The following UBAC2 variants were observed in gnomAD, a reference collection of about 807,000 sequenced individuals.
UBAC2 encodes the protein ubiquitin-associated domain-containing protein 2.
A neutral mutation model predicts 44.0 loss-of-function variants in UBAC2; 26 were observed. The observed-to-expected ratio is 0.59, with a 90% confidence interval of 0.43 to 0.82. The LOEUF (loss-of-function observed/expected upper bound fraction) is 0.82. Among genes scored for constraint, UBAC2 ranks in the 40% least tolerant of loss-of-function variants. The pLI is 0.00. For missense variants in UBAC2, 329 were observed against 419.4 expected, an observed-to-expected ratio of 0.78 and a Z score of 1.88; for synonymous variants, 155 against 154.3, an observed-to-expected ratio of 1.00 and a Z score of -0.04.
chr13:99,373,489 G>A (rs1260213741), intron 8 of UBAC2, among the ~76,000 whole-genome samples: 1 of 152,152 alleles, frequency 6.6e-6, no homozygotes, highest in Non-Finnish European at 1.5e-5. Context: ...TCTGCACCGG[G>A]GCTAAGCGCT....
intron 7 of UBAC2, among the ~76,000 whole-genome samples, chr13:99,348,704 A>T (rs959149255): frequency 5.4e-4 from 83 of 152,306 alleles, no homozygotes; most frequent in African/African-American, 1.9e-3. Flanking sequence ...TCATAATATG[A>T]ACGTTGTCTG....
At chr13:99,266,511 T>C (rs941357591) in intron 4 of UBAC2, among the ~76,000 whole-genome samples, 1 of 152,216 alleles carries the variant, frequency 6.6e-6, no homozygotes, top group Non-Finnish European at 1.5e-5. Flanking sequence ...TTGTAGACCA[T>C]TTCTGCCCTC....
intron 6 of UBAC2, among the ~76,000 whole-genome samples, chr13:99,334,540 A>G (rs775297501): frequency 3.3e-5 from 5 of 152,242 alleles, no homozygotes; most frequent in Non-Finnish European, 5.9e-5. Flanking sequence ...GGGTCTTGCA[A>G]GCTTCTCCTG....
chr13:99,230,290 C>T (rs2043157962), intron 1 of UBAC2, among the ~76,000 whole-genome samples: 1 of 151,808 alleles, frequency 6.6e-6, no homozygotes, highest in Non-Finnish European at 1.5e-5. Flanking sequence ...ATGGCAAAAC[C>T]CTGTCTTTAC....
At chr13:99,346,515 C>T (rs560067367) in intron 7 of UBAC2, among the ~76,000 whole-genome samples, 1 of 152,384 alleles carries the variant, frequency 6.6e-6, no homozygotes, top group Admixed American at 6.5e-5. Context: ...CACCGGGTTA[C>T]TCACAGTTAA....
chr13:99,300,576 A>G (rs1284376013), intron 4 of UBAC2, among the ~76,000 whole-genome samples: 2 of 152,188 alleles, frequency 1.3e-5, no homozygotes, highest in Non-Finnish European at 2.9e-5. Flanking sequence ...TCTTCCTTTA[A>G]TCATCTTAAG....
chr13:99,289,406 A>G (rs1393665801), intron 4 of UBAC2, among the ~76,000 whole-genome samples: 2 of 152,242 alleles, frequency 1.3e-5, no homozygotes, highest in Admixed American at 1.3e-4. Flanking sequence ...GACAAACTTG[A>G]AAGGCCCATA....
intron 4 of UBAC2, among the ~76,000 whole-genome samples, chr13:99,273,618 G>A (rs1927731): frequency 0.26 from 39,412 of 151,966 alleles, 5,850 homozygotes; most frequent in African/African-American, 0.41. Flanking sequence ...GATGAATTTA[G>A]TGTTGATCTG....
At chr13:99,277,039 T>C (rs527966917) in intron 4 of UBAC2, among the ~76,000 whole-genome samples, 2 of 152,274 alleles carry the variant, frequency 1.3e-5, no homozygotes, top group South Asian at 4.1e-4. Context: ...TAGTATTTGG[T>C]TTTCTCAGGT....
chr13:99,229,329 A>G (rs1355227761), intron 1 of UBAC2, among the ~76,000 whole-genome samples: 1 of 152,232 alleles, frequency 6.6e-6, no homozygotes, highest in Non-Finnish European at 1.5e-5. Flanking sequence ...ATCTGTGCTA[A>G]TAAGGAAGGC....
At chr13:99,208,934 G>A (rs997066731) in intron 1 of UBAC2, among the ~76,000 whole-genome samples, 1 of 152,166 alleles carries the variant, frequency 6.6e-6, no homozygotes. Context: ...GTTTATTTTG[G>A]TGACTCCTCA....
intron 6 of UBAC2, among the ~76,000 whole-genome samples, chr13:99,338,832 A>C (rs920353643): frequency 3.3e-5 from 5 of 152,190 alleles, no homozygotes; most frequent in Non-Finnish European, 7.3e-5. Flanking sequence ...GATATAGCTG[A>C]CCATCCCTAT....
At chr13:99,345,068 A>G (rs745568495) in intron 7 of UBAC2, among the ~76,000 whole-genome samples, 13 of 152,138 alleles carry the variant, frequency 8.5e-5, no homozygotes, top group African/African-American at 3.1e-4. Context: ...TGGAATTTGG[A>G]TGGGTGGAGA....
intron 4 of UBAC2, chr13:99,312,851 G>C (rs566503713): frequency 1.3e-5 from 2 of 153,432 alleles, no homozygotes; most frequent in African/African-American, 4.8e-5. Flanking sequence ...GACAGTGGTG[G>C]CAGACTCCAG....
chr13:99,332,277 A>G (rs898947450), intron 6 of UBAC2, among the ~76,000 whole-genome samples: 1 of 152,196 alleles, frequency 6.6e-6, no homozygotes, highest in African/African-American at 2.4e-5. Flanking sequence ...ACCAGAGGAC[A>G]GTTGAAGTTT....
At chr13:99,304,526 C>A (rs1272938832) in intron 4 of UBAC2, among the ~76,000 whole-genome samples, 1 of 152,126 alleles carries the variant, frequency 6.6e-6, no homozygotes, top group South Asian at 2.1e-4. Flanking sequence ...TCAATAAATA[C>A]CCATTAGTTA....
chr13:99,254,056 C>T (rs2043496820), intron 4 of UBAC2, among the ~76,000 whole-genome samples: 1 of 152,080 alleles, frequency 6.6e-6, no homozygotes, highest in Non-Finnish European at 1.5e-5. Flanking sequence ...GCTAAGAAAT[C>T]CAAGGTTCCT....
At chr13:99,259,915 A>C (rs557274435) in intron 4 of UBAC2, among the ~76,000 whole-genome samples, 126 of 152,194 alleles carry the variant, frequency 8.3e-4, no homozygotes, top group African/African-American at 2.9e-3. Context: ...GAATTGCCAG[A>C]CTCTTAGAGG....
At chr13:99,338,040 TTTTTTTC>T (rs1317729157) in intron 6 of UBAC2, among the ~76,000 whole-genome samples, 478 of 26,564 alleles carry the variant, frequency 0.018, 7 homozygotes, top group Non-Finnish European at 0.031. Context: ...ACTTTTTTTC[TTTTTTTC>T]TTTTTTTTTT....
Sources: allele counts gnomAD v4.1 joint callset (sites outside exome capture counted in the v4.1 genomes callset), GRCh38; gene constraint gnomAD v4.1.1; transcripts MANE v1.5; gene names NCBI Gene and HGNC (gene_info 2026-07-23, HGNC 2026-07-21).